GRID1: variants seen among roughly 807,000 people sequenced by gnomAD.
The protein encoded by GRID1 is glutamate ionotropic receptor delta type subunit 1.
In GRID1, 28 loss-of-function variants were observed where a neutral mutation model predicts 98.0. The observed-to-expected ratio is 0.29, with a 90% CI of 0.21 to 0.39. GRID1 has a LOEUF of 0.39. Ranked by LOEUF, GRID1 falls within the 10% of genes least tolerant of loss-of-function variation. The pLI, the probability that GRID1 is intolerant of heterozygous loss-of-function variation, is 1.00. For synonymous variants in GRID1, 553 were observed against 538.5 expected (o/e 1.03, Z -0.37); for missense variants, 1,111 against 1,340.5 (o/e 0.83, Z 2.67).
At chr10:85,723,240 C>G in intron 11 of GRID1, 99 bp from the exon 12 acceptor site, 2 of 1,208,520 alleles carry the variant, frequency 1.7e-6, no homozygotes, top group Non-Finnish European at 2.2e-6. Flanking sequence ...CAGGCCATCA[C>G]TCGTGATGGG....
At chr10:85,725,897 C>T (rs1841755526) in intron 10 of GRID1, among the ~76,000 whole-genome samples, 1 of 152,192 alleles carries the variant, frequency 6.6e-6, no homozygotes, top group African/African-American at 2.4e-5. Context: ...TGCCTCTCTT[C>T]TAAAAACTCT....
At chr10:86,144,002 C>T (rs1845048653) in intron 3 of GRID1, among the ~76,000 whole-genome samples, 1 of 152,190 alleles carries the variant, frequency 6.6e-6, no homozygotes, top group African/African-American at 2.4e-5. Context: ...CGGAGTCCTG[C>T]CAGCACCCAC....
At chr10:86,269,951 C>T (rs1234771031) in intron 2 of GRID1, among the ~76,000 whole-genome samples, 2 of 152,200 alleles carry the variant, frequency 1.3e-5, no homozygotes, top group East Asian at 3.8e-4. Context: ...CATGAGTCTT[C>T]TGACCCAAGC....
intron 12 of GRID1, among the ~76,000 whole-genome samples, chr10:85,721,838 A>T (rs1841706135): frequency 6.6e-6 from 1 of 152,240 alleles, no homozygotes; most frequent in Admixed American, 6.5e-5. Context: ...CCGAATGCAC[A>T]CATACATATA....
At chr10:86,114,541 TCTGA>T (rs1844543555) in intron 4 of GRID1, among the ~76,000 whole-genome samples, 1 of 152,116 alleles carries the variant, frequency 6.6e-6, no homozygotes, top group African/African-American at 2.4e-5. Flanking sequence ...TGCGCTCACA[TCTGA>T]CTGATGCCAC....
intron 2 of GRID1, among the ~76,000 whole-genome samples, chr10:86,335,558 T>G (rs1259243312): frequency 2.6e-5 from 4 of 152,208 alleles, no homozygotes; most frequent in Non-Finnish European, 5.9e-5. Flanking sequence ...TAAAATCAGT[T>G]GTACAGAATT....
intron 12 of GRID1, among the ~76,000 whole-genome samples, chr10:85,720,633 C>CAAAAAAAAAAAAA (rs1178857868): frequency 2.5e-5 from 2 of 79,100 alleles, no homozygotes; most frequent in African/African-American, 3.6e-5. Flanking sequence ...AACAAACAGA[C>CAAAAAAAAAAAAA]AAAAAAAAAA....
rs1162513189 is a variant in GRID1 at position 86,190,876 on chromosome 10, TCGTGCATGCATGCATGAGTGTGTA to T, written c.520+15464_520+15487del. ...TGTCTATGTGCACATGTGTGCATAG[TCGTGCATGCATGCATGAGTGTGTA>T]CGTGCATGCATGCATGAGTGTGTAC... is the stretch of plus-strand genomic sequence containing the variant. On this transcript the variant is annotated intron_variant, in intron 3 of 15. Coordinates refer to ENST00000327946, the MANE Select transcript of GRID1 (RefSeq NM_017551.3). Among the ~76,000 whole-genome samples, 176 of 152,212 alleles carry T rather than the reference TCGTGCATGCATGCATGAGTGTGTA, an allele frequency of 1.2e-3. 1 individual carries two copies. The highest frequency in any genetic ancestry group is 3.6e-3 in the African/African-American group (150 of 41,564).
chr10:86,179,976 G>T (rs1811614633), intron 3 of GRID1, among the ~76,000 whole-genome samples: 1 of 152,220 alleles, frequency 6.6e-6, no homozygotes, highest in Non-Finnish European at 1.5e-5. Flanking sequence ...GAAAGACGCA[G>T]AAGGGTCTGA....
At chr10:85,708,019 C>T (rs529626526) in intron 12 of GRID1, among the ~76,000 whole-genome samples, 31 of 150,542 alleles carry the variant, frequency 2.1e-4, no homozygotes, top group African/African-American at 6.8e-4. Flanking sequence ...TGTTAAATGA[C>T]GAGTTAATGA....
intron 2 of GRID1, among the ~76,000 whole-genome samples, chr10:86,224,728 G>A (rs1245624814): frequency 6.6e-6 from 1 of 152,130 alleles, no homozygotes; most frequent in Non-Finnish European, 1.5e-5. Context: ...CCAGAGCACT[G>A]GCCACTAAAA....
chr10:85,869,171 C>T lies in GRID1; in HGVS notation c.790G>A (p.Asp264Asn), dbSNP rs748437553. The T allele has an allele frequency of 6.2e-7, 1 of 1,613,080 alleles. No homozygotes were observed. Among genetic ancestry groups the T allele is most frequent in the Non-Finnish European group, 8.5e-7 (1 of 1,179,102 alleles). ...TGGACCAGATCCAGGATCTCCGGGT[C>T]ACTGATTTCCTAGAAAAATAACCAG... ...HWVFVNEEIS[D>N]PEILDLVHSA... The change falls in exon 6 of 16, where the codon GAC becomes AAC. Residue 264 changes from aspartate (D) to asparagine (N), a missense_variant. Transcript: ENST00000327946.
At position 86,117,768 on chromosome 10, in the gene GRID1, G is replaced by A. The variant is rs548190595; in HGVS notation, c.726+21051C>T. ...AATCAAAAGCACAATGTGATACCAC[G>A]TCACTCCTGCAAGAATGGCCATAAT... On this transcript the variant is annotated intron_variant, in intron 4 of 15. Coordinates refer to ENST00000327946, the MANE Select transcript of GRID1 (RefSeq NM_017551.3). 7.9e-5 allele frequency among the ~76,000 whole-genome samples: 12 copies of A among 152,316 alleles called. 1 individual carries two copies. The highest frequency in any genetic ancestry group is 4.1e-4 in the South Asian group (2 of 4,824).
At chr10:86,131,195 C>G (rs574734959) in intron 4 of GRID1, among the ~76,000 whole-genome samples, 1 of 152,184 alleles carries the variant, frequency 6.6e-6, no homozygotes, top group East Asian at 1.9e-4. Context: ...CATCCCACCA[C>G]GTCTTCTTAC....
chr10:86,241,424 G>T (rs531969648), intron 2 of GRID1, among the ~76,000 whole-genome samples: 2 of 152,192 alleles, frequency 1.3e-5, no homozygotes, highest in African/African-American at 4.8e-5. Flanking sequence ...CCCTACAGCC[G>T]CAGGCTGAGT....
At chr10:86,050,582 A>C (rs1022176670) in intron 4 of GRID1, among the ~76,000 whole-genome samples, 1 of 152,222 alleles carries the variant, frequency 6.6e-6, no homozygotes, top group Non-Finnish European at 1.5e-5. Flanking sequence ...CAGAAGGGGA[A>C]AAATTTACAA....
chr10:85,789,154 G>A (rs1425886834), intron 8 of GRID1, among the ~76,000 whole-genome samples: 2 of 152,028 alleles, frequency 1.3e-5, no homozygotes, highest in Non-Finnish European at 2.9e-5. Flanking sequence ...TTCCCCCAGG[G>A]TGCCCCCTCT....
chr10:85,996,694 T>TG (rs1842741984), intron 4 of GRID1, among the ~76,000 whole-genome samples: 1 of 151,950 alleles, frequency 6.6e-6, no homozygotes, highest in Non-Finnish European at 1.5e-5. Flanking sequence ...CCAGGCATGA[T>TG]GGTGGGTGCA....
rs112772714 is a variant in GRID1, at chr10:85,690,632, A to C, written c.1997+32371T>G. Among the ~76,000 whole-genome samples, 766 of 152,346 alleles carry C rather than the reference A, an allele frequency of 5.0e-3. 2 individuals carry two copies. The highest frequency in any genetic ancestry group is 0.018 in the African/African-American group (729 of 41,582). ...AATTGAAAGAGGTTAGCCTAACTCA[A>C]GATGATCTGTTCTTCGGGAATTGGT... is the stretch of plus-strand genomic sequence containing the variant. On this transcript the variant is annotated intron_variant, in intron 12 of 15. Transcript: ENST00000327946.
Sources: allele counts gnomAD v4.1 joint callset (sites outside exome capture counted in the v4.1 genomes callset), GRCh38; gene constraint gnomAD v4.1.1; transcripts MANE v1.5; gene names NCBI Gene and HGNC (gene_info 2026-07-23, HGNC 2026-07-21).